Variants in PLEKHM3 observed in about 807,000 individuals in gnomAD.
The protein encoded by PLEKHM3 is pleckstrin homology domain containing M3.
PLEKHM3 carries 45 observed loss-of-function variants against 81.8 expected under a neutral mutation model. The ratio of observed to expected loss-of-function variants is 0.55; its 90% CI spans 0.43 to 0.71. The LOEUF (loss-of-function observed/expected upper bound fraction) is 0.71, where lower values mean the gene tolerates loss of function less well. Ranked by LOEUF, PLEKHM3 falls within the 30% of genes least tolerant of loss-of-function variation. The pLI is 0.00. For synonymous variants in PLEKHM3, 352 were observed against 356.4 expected (o/e 0.99, Z 0.14); for missense variants, 788 against 924.3 (o/e 0.85, Z 1.91).
intron 6 of PLEKHM3, among the ~76,000 whole-genome samples, chr2:207,906,118 G>A (rs1173614200): frequency 6.6e-6 from 1 of 152,116 alleles, no homozygotes; most frequent in Non-Finnish European, 1.5e-5. Context: ...ACTCACTTTG[G>A]AGCCCACCCA....
At chr2:207,885,404 T>C (rs376332048) in intron 6 of PLEKHM3, among the ~76,000 whole-genome samples, 2 of 152,342 alleles carry the variant, frequency 1.3e-5, no homozygotes, top group East Asian at 3.9e-4. Flanking sequence ...TGGGGCATTT[T>C]GGGCCTTTTG....
In PLEKHM3 at chr2:207,976,625, C is replaced by CTA; in HGVS notation, c.1546+24_1546+25dup. The CTA allele has an allele frequency of 6.3e-7, 1 of 1,594,080 alleles. No individual in the cohort carries two copies. Among genetic ancestry groups the CTA allele is most frequent in the South Asian group, 1.1e-5 (1 of 87,176 alleles). On this transcript the variant is annotated intron_variant, in intron 3 of 7. Coordinates refer to ENST00000427836, the MANE Select transcript of PLEKHM3 (RefSeq NM_001080475.3). The surrounding 1 kb of genome is among the most constrained non-coding windows in gnomAD (Gnocchi z 4.1). ...GGGTTCAGGATTGTTCTTTAATGAG[C>CTA]TATAGGCTGAAAATCTGCTTCATAC...
chr2:207,882,198 T>C (rs747421410), intron 6 of PLEKHM3, among the ~76,000 whole-genome samples: 1 of 152,228 alleles, frequency 6.6e-6, no homozygotes, highest in Non-Finnish European at 1.5e-5. Flanking sequence ...TTCCCACTTA[T>C]GCAAGGGCTA....
At chr2:207,892,573 T>C (rs1688093203) in intron 6 of PLEKHM3, among the ~76,000 whole-genome samples, 1 of 152,122 alleles carries the variant, frequency 6.6e-6, no homozygotes, top group Non-Finnish European at 1.5e-5. Flanking sequence ...CCCTTCCCTC[T>C]CCACCCTTGA....
chr2:207,924,064 C>A (rs1274523024), intron 5 of PLEKHM3, among the ~76,000 whole-genome samples: 5 of 150,778 alleles, frequency 3.3e-5, no homozygotes, highest in African/African-American at 9.8e-5. Flanking sequence ...TGCCACCATG[C>A]CCTGCTAATT....
intron 7 of PLEKHM3, among the ~76,000 whole-genome samples, chr2:207,853,113 A>G (rs974756462): frequency 6.6e-6 from 1 of 152,186 alleles, no homozygotes; most frequent in Non-Finnish European, 1.5e-5. Flanking sequence ...ACCTAGCCCA[A>G]TGCACACACA....
At chr2:207,847,847 T>C (rs909789413) in intron 7 of PLEKHM3, among the ~76,000 whole-genome samples, 1 of 152,156 alleles carries the variant, frequency 6.6e-6, no homozygotes. Flanking sequence ...GGAAATATCA[T>C]TAAAAAATGG....
chr2:207,840,795 T>C (rs2092345870), intron 7 of PLEKHM3, among the ~76,000 whole-genome samples: 1 of 145,030 alleles, frequency 6.9e-6, no homozygotes, highest in Non-Finnish European at 1.5e-5. Context: ...TTAACACTTT[T>C]TATGTTTTTT....
intron 7 of PLEKHM3, among the ~76,000 whole-genome samples, chr2:207,832,769 G>T (rs1440847266): frequency 6.7e-6 from 1 of 150,348 alleles, no homozygotes; most frequent in Non-Finnish European, 1.5e-5. Flanking sequence ...CTCCAGCCTG[G>T]CAACAGAGCG....
At position 207,898,756 on chromosome 2, in the gene PLEKHM3, C is replaced by T. The variant is rs115889735; in HGVS notation, c.1950+9758G>A. 4.4e-3 allele frequency among the ~76,000 whole-genome samples: 669 copies of T among 152,084 alleles called. 3 individuals carry two copies. The highest frequency in any genetic ancestry group is 0.015 in the African/African-American group (631 of 41,488). ...AAAACATTTTAAAAATCAGCCGTAG[C>T]GTGGTGGCGCGTGCCTATGGTTTCA... On this transcript the variant is annotated intron_variant, in intron 6 of 7. Coordinates refer to ENST00000427836, the MANE Select transcript of PLEKHM3 (RefSeq NM_001080475.3).
chr2:207,838,741 A>G (rs1338719537), intron 7 of PLEKHM3, among the ~76,000 whole-genome samples: 1 of 152,192 alleles, frequency 6.6e-6, no homozygotes, highest in African/African-American at 2.4e-5. Context: ...ACAAATACCC[A>G]CCTTGGTATT....
At chr2:207,833,149 C>G (rs577889218) in intron 7 of PLEKHM3, among the ~76,000 whole-genome samples, 6 of 151,764 alleles carry the variant, frequency 4.0e-5, no homozygotes, top group Non-Finnish European at 7.4e-5. Flanking sequence ...ATTGGCCCCC[C>G]TGAGTACTCA....
At chr2:207,902,847 TCCAC>T (rs56924343) in intron 6 of PLEKHM3, among the ~76,000 whole-genome samples, 2 of 26,486 alleles carry the variant, frequency 7.6e-5, no homozygotes, top group African/African-American at 2.7e-4. Flanking sequence ...CACCCACCCA[TCCAC>T]CCACCCATCC....
chr2:207,898,551 C>T (rs1372875391), intron 6 of PLEKHM3, among the ~76,000 whole-genome samples: 5 of 152,118 alleles, frequency 3.3e-5, no homozygotes, highest in African/African-American at 7.2e-5. Context: ...CCCAGGAGTT[C>T]GAGATCAGCC....
At chr2:207,840,036 C>T (rs933296420) in intron 7 of PLEKHM3, among the ~76,000 whole-genome samples, 1 of 152,216 alleles carries the variant, frequency 6.6e-6, no homozygotes, top group African/African-American at 2.4e-5. Context: ...ACAAGTCCTC[C>T]TGGGAATTCT....
At chr2:207,849,482 A>C (rs1389721928) in intron 7 of PLEKHM3, among the ~76,000 whole-genome samples, 1 of 152,230 alleles carries the variant, frequency 6.6e-6, no homozygotes, top group Non-Finnish European at 1.5e-5. Context: ...ACTTGTGCAC[A>C]AAGAAAAACT....
intron 6 of PLEKHM3, among the ~76,000 whole-genome samples, chr2:207,870,082 G>C (rs1447781681): frequency 6.6e-6 from 1 of 152,200 alleles, no homozygotes; most frequent in Non-Finnish European, 1.5e-5. Context: ...GTGGCACCAG[G>C]AAATTGCAGT....
At chr2:207,857,651 C>T (rs2092443263) in intron 7 of PLEKHM3, among the ~76,000 whole-genome samples, 1 of 152,090 alleles carries the variant, frequency 6.6e-6, no homozygotes, top group Non-Finnish European at 1.5e-5. Context: ...GTTGGTATAA[C>T]ATTGTTTATA....
At chr2:207,999,109 A>G (rs571641648) in intron 2 of PLEKHM3, among the ~76,000 whole-genome samples, 23 of 152,006 alleles carry the variant, frequency 1.5e-4, no homozygotes, top group African/African-American at 5.1e-4. Context: ...CAGCCTCCCA[A>G]GTAGCCGGGA....
Sources: allele counts gnomAD v4.1 joint callset (sites outside exome capture counted in the v4.1 genomes callset), GRCh38; gene constraint gnomAD v4.1.1; non-coding constraint Gnocchi (gnomAD v3.1); transcripts MANE v1.5; gene names NCBI Gene and HGNC (gene_info 2026-07-23, HGNC 2026-07-21).